Variants in GABRB3 observed in about 807,000 individuals in gnomAD.
The protein encoded by GABRB3 is gamma-aminobutyric acid receptor subunit beta-3.
In GABRB3, 14 loss-of-function variants were observed where a neutral mutation model predicts 52.1. That is an observed-to-expected ratio of 0.27 (90% CI 0.18 to 0.42). The LOEUF (loss-of-function observed/expected upper bound fraction) is 0.42. Among genes scored for constraint, GABRB3 ranks in the 10% least tolerant of loss-of-function variants. The pLI is 1.00. For synonymous variants in GABRB3, 260 were observed against 232.3 expected (o/e 1.12, Z -1.08); for missense variants, 307 against 609.1 (o/e 0.50, Z 5.22).
At chr15:26,630,772 G>A (rs560085486) in intron 3 of GABRB3, among the ~76,000 whole-genome samples, 2 of 152,284 alleles carry the variant, frequency 1.3e-5, no homozygotes, top group East Asian at 3.9e-4. Context: ...ATCTCTCTCA[G>A]TATTGGTGTG....
rs10569776 is a variant in GABRB3 at position 26,545,194 on chromosome 15, TTG to T, written c.*2597_*2598del. Reference sequence around the variant, plus strand: ...GTTTTTACAGAATATATGTATGTATTTGTGTGTGTGTGTGTGTGTGTGTGTGT... The same window carrying T: ...GTTTTTACAGAATATATGTATGTATTTGTGTGTGTGTGTGTGTGTGTGTGT... On this transcript the variant is annotated 3_prime_UTR_variant, in exon 9 of 9. Transcript: ENST00000311550. 0.24 allele frequency: 36,495 copies of T among 149,382 alleles called. 4,443 individuals are homozygous for T. The highest frequency in any genetic ancestry group is 0.3 in the Admixed American group (4,436 of 14,984). 9.3% of individuals were successfully genotyped at this position (149,382 alleles called of 1,614,324 possible).
intron 6 of GABRB3, among the ~76,000 whole-genome samples, chr15:26,575,088 C>T (rs1271214119): frequency 6.6e-6 from 1 of 152,114 alleles, no homozygotes; most frequent in African/African-American, 2.4e-5. Flanking sequence ...AGAGATTTCA[C>T]CATTGAGCAC....
chr15:26,725,595 T>C (rs924953541), intron 3 of GABRB3, among the ~76,000 whole-genome samples: 11 of 152,222 alleles, frequency 7.2e-5, no homozygotes, highest in Admixed American at 2.0e-4. Context: ...TTTCAAACTT[T>C]TGAAAATGTT....
chr15:26,771,963 C>T (rs1480452784), intron 3 of GABRB3: 1 of 160,992 alleles, frequency 6.2e-6, no homozygotes, highest in East Asian at 1.9e-4. Flanking sequence ...AATCTCTTTC[C>T]AAACGACAAC....
chr15:26,765,828 T>C (rs1308808001), intron 3 of GABRB3, among the ~76,000 whole-genome samples: 2 of 152,156 alleles, frequency 1.3e-5, no homozygotes, highest in Admixed American at 1.3e-4. Flanking sequence ...TAGATAGCAG[T>C]GAAGGTCATG....
chr15:26,642,482 G>C, intron 3 of GABRB3: 2 of 1,288,860 alleles, frequency 1.6e-6, no homozygotes, highest in Non-Finnish European at 2.0e-6. Context: ...TATAAGCCAC[G>C]TTAGTTCCAC....
In GABRB3 at chr15:26,663,744, A is replaced by G. The variant is rs1188426633; in HGVS notation, c.241-42210T>C. The stretch of plus-strand genomic sequence containing the variant: ...AATAGCCTTGAGAGGTCAAGGCTAA[A>G]GCCTGCCAATTTATTTCTTGTTTTC... On this transcript the variant is annotated intron_variant, in intron 3 of 8. Coordinates refer to ENST00000311550, the MANE Select transcript of GABRB3 (RefSeq NM_000814.6). 2.0e-5 allele frequency among the ~76,000 whole-genome samples: 3 copies of G among 152,298 alleles called. No homozygotes were observed. In the East Asian group the frequency reaches 5.8e-4, roughly 29 times the overall value.
intron 4 of GABRB3, among the ~76,000 whole-genome samples, chr15:26,591,080 CTGGGTAAGCTAA>C (rs1891185589): frequency 1.3e-5 from 2 of 152,274 alleles, no homozygotes; most frequent in South Asian, 4.1e-4. Flanking sequence ...AGAGACTACC[CTGGGTAAGCTAA>C]TGGGTCTCCC....
chr15:26,630,959 C>T (rs1892897721), intron 3 of GABRB3, among the ~76,000 whole-genome samples: 1 of 152,170 alleles, frequency 6.6e-6, no homozygotes, highest in African/African-American at 2.4e-5. Context: ...GGTTTCACTC[C>T]AGATTATCAA....
intron 4 of GABRB3, among the ~76,000 whole-genome samples, chr15:26,601,433 G>C (rs550904564): frequency 1.6e-4 from 24 of 151,800 alleles, no homozygotes; most frequent in African/African-American, 5.6e-4. Context: ...AAATTGAAAG[G>C]ATTCAAGGCA....
intron 8 of GABRB3, among the ~76,000 whole-genome samples, chr15:26,558,207 C>T (rs1889827422): frequency 6.6e-6 from 1 of 152,116 alleles, no homozygotes; most frequent in African/African-American, 2.4e-5. Context: ...GTATATTTTC[C>T]ACTAAGAAAT....
At chr15:26,728,520 G>A (rs1889829642) in intron 3 of GABRB3, among the ~76,000 whole-genome samples, 1 of 152,182 alleles carries the variant, frequency 6.6e-6, no homozygotes, top group East Asian at 1.9e-4. Context: ...TAGATACTGG[G>A]AAGGGTGGGC....
intron 3 of GABRB3, among the ~76,000 whole-genome samples, chr15:26,771,272 A>C (rs1891135364): frequency 6.6e-6 from 1 of 152,198 alleles, no homozygotes; most frequent in African/African-American, 2.4e-5. Flanking sequence ...TATTTGAAGA[A>C]GTAGTTTTAA....
intron 6 of GABRB3, among the ~76,000 whole-genome samples, chr15:26,574,028 G>A (rs1488355454): frequency 6.6e-6 from 1 of 152,182 alleles, no homozygotes; most frequent in Non-Finnish European, 1.5e-5. Context: ...TCCAGCCCGG[G>A]CGACAGACTA....
chr15:26,571,261 A>G (rs958851552), intron 6 of GABRB3, among the ~76,000 whole-genome samples: 1 of 152,238 alleles, frequency 6.6e-6, no homozygotes, highest in Non-Finnish European at 1.5e-5. Context: ...CTTATGCTAC[A>G]GTAACAAACA....
chr15:26,657,225 T>C (rs923399573), intron 3 of GABRB3: 3 of 152,206 alleles, frequency 2.0e-5, no homozygotes, highest in African/African-American at 7.2e-5. Context: ...TCTTCTTTAG[T>C]GCTTTATTTA....
intron 3 of GABRB3, among the ~76,000 whole-genome samples, chr15:26,700,819 GC>G (rs1347037732): frequency 6.6e-6 from 1 of 152,244 alleles, no homozygotes; most frequent in Non-Finnish European, 1.5e-5. Context: ...ACTCTGGGAG[GC>G]CGAGGCGGGC....
chr15:26,593,193 T>C (rs1415443255), intron 4 of GABRB3, among the ~76,000 whole-genome samples: 3 of 152,020 alleles, frequency 2.0e-5, no homozygotes, highest in Non-Finnish European at 4.4e-5. Context: ...ACAGAGGAGA[T>C]GATAGATACT....
chr15:26,617,731 G>A (rs1393776171), intron 4 of GABRB3, among the ~76,000 whole-genome samples: 4 of 152,196 alleles, frequency 2.6e-5, no homozygotes, highest in South Asian at 4.2e-4. Flanking sequence ...AATTGTCCCT[G>A]TTTGCAGACG....
Sources: gnomAD v4.1 joint callset for allele counts (sites outside exome capture counted in the v4.1 genomes callset) on GRCh38, gnomAD v4.1.1 for gene constraint, MANE v1.5 for transcripts, NCBI Gene and HGNC (gene_info 2026-07-23, HGNC 2026-07-21) for gene names.